Variants in SFI1 observed in about 807,000 individuals in gnomAD.
SFI1 encodes protein SFI1 homolog.
SFI1 carries 195 observed loss-of-function variants against 207.5 expected under a neutral mutation model. The ratio of observed to expected loss-of-function variants is 0.94; its 90% CI spans 0.84 to 1.06. The LOEUF (loss-of-function observed/expected upper bound fraction) is 1.06, where lower values mean the gene tolerates loss of function less well. SFI1 is among the 50% of genes least tolerant of loss of function. SFI1 has a pLI of 0.00. For missense variants in SFI1, 1,634 were observed against 1,588.0 expected (o/e 1.03, Z -0.49); for synonymous variants, 630 against 598.9 (o/e 1.05, Z -0.76).
rs55807615 is a variant in SFI1 at position 31,550,528 on chromosome 22, C to T, written c.544+180C>T. The T allele has an allele frequency of 8.9e-3, 4,976 of 559,202 alleles. 41 individuals are homozygous for T. The highest frequency in any genetic ancestry group is 0.021 in the Middle Eastern group (65 of 3,096). 34.6% of individuals were successfully genotyped at this position (559,202 alleles called of 1,614,324 possible). ...CTGAGTGGGCACCTGTATGATTGAT[C>T]CCTATGGTTTTCTCCATATGGCATG... On this transcript the variant is annotated intron_variant, in intron 6 of 32. Transcript: ENST00000400288.
At chr22:31,534,232 AT>A (rs2058770113) in intron 4 of SFI1, among the ~76,000 whole-genome samples, 1 of 152,108 alleles carries the variant, frequency 6.6e-6, no homozygotes, top group African/African-American at 2.4e-5. Context: ...ATCTCAGGTG[AT>A]CTACCCACCT....
intron 3 of SFI1, among the ~76,000 whole-genome samples, chr22:31,530,243 C>T (rs1434700773): frequency 5.2e-5 from 7 of 135,338 alleles, no homozygotes; most frequent in Admixed American, 2.4e-4. Flanking sequence ...GTAATCCCAG[C>T]ACTTTGGGAG....
chr22:31,513,623 G>C (rs1277287858), intron 2 of SFI1, among the ~76,000 whole-genome samples: 1 of 148,162 alleles, frequency 6.7e-6, no homozygotes, highest in African/African-American at 2.5e-5. Context: ...TGTCGCCCAG[G>C]CTGGAGTGCA....
rs2058213904 is a variant in SFI1, at chr22:31,529,059, T to C, written c.266+196T>C. 3 of 508,858 alleles carry C rather than the reference T, an allele frequency of 5.9e-6. No individual in the cohort carries two copies. The Admixed American group carries it at 9.9e-5, about 17-fold the overall frequency. The allele number at this position is 508,858 out of a possible 1,614,324, so 31.5% of individuals were successfully genotyped here. A position where few individuals can be genotyped will look rare whatever the true frequency, so the allele number is the denominator to read the frequency against. On this transcript the variant is annotated intron_variant, in intron 3 of 32. Coordinates refer to ENST00000400288, the MANE Select transcript of SFI1 (RefSeq NM_001007467.3). Reference sequence around the variant, plus strand: ...TAAAATCTGTCATTGAGTGTTTTCATTTCTCCACTTGTGCCTCACAATATG... The same window carrying C: ...TAAAATCTGTCATTGAGTGTTTTCACTTCTCCACTTGTGCCTCACAATATG...
At chr22:31,511,474 T>TTG (rs1555939213) in intron 2 of SFI1, among the ~76,000 whole-genome samples, 3 of 146,766 alleles carry the variant, frequency 2.0e-5, no homozygotes, top group Non-Finnish European at 4.5e-5. Context: ...GTTTTTTTTT[T>TTG]TTTTTTTTTT....
chr22:31,580,448 G>T, intron 12 of SFI1, 84 bp downstream of exon 12: 6 of 1,125,488 alleles, frequency 5.3e-6, no homozygotes, highest in East Asian at 6.0e-5. Flanking sequence ...AAATTAAGCA[G>T]AACTCTTTTT....
intron 8 of SFI1, among the ~76,000 whole-genome samples, chr22:31,571,102 G>C (rs187592026): frequency 1.3e-5 from 2 of 152,320 alleles, no homozygotes; most frequent in Admixed American, 1.3e-4. Flanking sequence ...AAGAACCAAA[G>C]TGTTAGCTGG....
At chr22:31,575,419 C>G in intron 10 of SFI1, 27 bp downstream of exon 10, 1 of 1,558,632 alleles carries the variant, frequency 6.4e-7, no homozygotes, top group Non-Finnish European at 8.7e-7. Flanking sequence ...TCAGGCTGTC[C>G]ATTGCCTCAG....
intron 2 of SFI1, among the ~76,000 whole-genome samples, chr22:31,511,148 G>A (rs2055443513): frequency 6.6e-6 from 1 of 152,118 alleles, no homozygotes; most frequent in Admixed American, 6.6e-5. Context: ...TTCCTGAGCA[G>A]AGCCATCTTT....
chr22:31,524,000 G>A (rs920031781), intron 2 of SFI1, among the ~76,000 whole-genome samples: 4 of 143,770 alleles, frequency 2.8e-5, no homozygotes, highest in African/African-American at 7.8e-5. Context: ...TCAGGGATTC[G>A]AGACTAGCCT....
chr22:31,529,453 G>A (rs1282937123), intron 3 of SFI1, among the ~76,000 whole-genome samples: 3 of 152,210 alleles, frequency 2.0e-5, no homozygotes, highest in Admixed American at 1.3e-4. Flanking sequence ...TTGAACCTGG[G>A]AGGCCGAGGT....
chr22:31,582,910 C>T (rs2064524156), intron 12 of SFI1, among the ~76,000 whole-genome samples: 1 of 152,046 alleles, frequency 6.6e-6, no homozygotes, highest in African/African-American at 2.4e-5. Context: ...TTTGTTTATA[C>T]AATTTATTTA....
intron 15 of SFI1, among the ~76,000 whole-genome samples, chr22:31,595,269 T>C (rs1332237665): frequency 6.6e-6 from 1 of 152,358 alleles, no homozygotes; most frequent in East Asian, 1.9e-4. Context: ...GTGCTGGGAT[T>C]ACAGGCATGA....
At chr22:31,614,056 A>G (rs7285893) in intron 27 of SFI1, 42,288 of 686,166 alleles carry the variant, frequency 0.062, 1,751 homozygotes, top group African/African-American at 0.17. Context: ...GGGATTTCCA[A>G]ACCCTCTCTC....
chr22:31,583,827 T>C, intron 12 of SFI1, 48 bp from the exon 13 acceptor site: 1 of 1,537,938 alleles, frequency 6.5e-7, no homozygotes, highest in Non-Finnish European at 9.0e-7. Context: ...ATTCACTGTT[T>C]TACCTTTCAT....
At chr22:31,575,085 CGTGTGTGTGTGTGTGTGTGTGTGT>C in intron 9 of SFI1, 122 bp from the exon 10 acceptor site, 1 of 283,998 alleles carries the variant, frequency 3.5e-6, no homozygotes, top group Non-Finnish European at 6.3e-6. Context: ...AAACTTAGTG[CGTGTGTGTGTGTGTGTGTGTGTGT>C]GTGTGTGTGT....
At chr22:31,592,755 C>A (rs2066224814) in intron 15 of SFI1, among the ~76,000 whole-genome samples, 1 of 112,562 alleles carries the variant, frequency 8.9e-6, no homozygotes. Context: ...GTAGGGGCGG[C>A]CGGGCAGAGG....
chr22:31,603,951 GA>G, intron 18 of SFI1, 132 bp downstream of exon 18: 1 of 891,930 alleles, frequency 1.1e-6, no homozygotes, highest in Admixed American at 3.1e-5. Context: ...AGGCAGCATA[GA>G]AAGTGTTAAC....
rs1358040113 is a variant in SFI1 at position 31,616,872 on chromosome 22, C to T, written c.3428C>T (p.Thr1143Ile). The change falls in exon 30 of 33, where the codon ACT (threonine) becomes ATT (isoleucine). Residue 1143 changes from threonine (T) to isoleucine (I), a missense_variant. Thr to Ile is a moderately conservative substitution (Grantham distance 89). Coordinates refer to ENST00000400288, the MANE Select transcript of SFI1 (RefSeq NM_001007467.3). ...ACCAGGGCTGGGCCTGGACTTTCAA[C>T]TGCAGGTGTGTACCTGGGGCCTGTC... is the stretch of plus-strand genomic sequence containing the variant. ...SATRAGPGLS[T>I]AGSLDLEAEL... The T allele has an allele frequency of 1.9e-6, 3 of 1,610,378 alleles. No individual in the cohort carries two copies. The highest frequency in any genetic ancestry group is 2.2e-5 in the South Asian group (2 of 90,440).
Sources: allele counts gnomAD v4.1 joint callset (sites outside exome capture counted in the v4.1 genomes callset), GRCh38; gene constraint gnomAD v4.1.1; transcripts MANE v1.5; gene names NCBI Gene and HGNC (gene_info 2026-07-23, HGNC 2026-07-21).